Variants in KLHL8 observed in about 807,000 individuals in gnomAD.
KLHL8 encodes the protein kelch like family member 8, also known as kelch-like protein 8.
Under a neutral mutation model 63.5 loss-of-function variants are expected in KLHL8, and 38 were observed. That is an observed-to-expected ratio of 0.60 (90% CI 0.46 to 0.78). KLHL8 has a LOEUF of 0.78. Among genes scored for constraint, KLHL8 ranks in the 30% least tolerant of loss-of-function variants. The pLI, the probability that KLHL8 is intolerant of heterozygous loss-of-function variation, is 0.00. For synonymous variants in KLHL8, 224 were observed against 254.3 expected, an observed-to-expected ratio of 0.88 and a Z score of 1.13; for missense variants, 566 against 752.4, an observed-to-expected ratio of 0.75 and a Z score of 2.90.
In KLHL8 at chr4:87,190,644, T is replaced by TA. The variant is rs34153862; in HGVS notation, c.216+4679dup. 3.2e-3 allele frequency among the ~76,000 whole-genome samples: 455 copies of TA among 143,004 alleles called. 1 individual carries two copies. The highest frequency in any genetic ancestry group is 5.3e-3 in the Non-Finnish European group (347 of 65,490). 93.8% of individuals were successfully genotyped at this position (143,004 alleles called of 152,430 possible). On this transcript the variant is annotated intron_variant, in intron 2 of 9. Transcript: ENST00000273963. ...GGGTGACAGAGTGAGACTCTGTCTT[T>TA]AAAAAAAAAAAAAAAAGCTTACTGT...
intron 2 of KLHL8, among the ~76,000 whole-genome samples, chr4:87,190,644 T>A (rs1578379560): frequency 7.0e-6 from 1 of 143,018 alleles, no homozygotes. Context: ...ACTCTGTCTT[T>A]AAAAAAAAAA....
intron 1 of KLHL8, among the ~76,000 whole-genome samples, chr4:87,214,419 T>G (rs1166560371): frequency 5.3e-4 from 12 of 22,708 alleles, no homozygotes; most frequent in Middle Eastern, 0.028. Context: ...ATAACAGATA[T>G]ATATATATAT....
At chr4:87,231,128 G>A (rs1261938762) in intron 1 of KLHL8, among the ~76,000 whole-genome samples, 1 of 152,128 alleles carries the variant, frequency 6.6e-6, no homozygotes, top group Admixed American at 6.5e-5. Flanking sequence ...GGGAGTTGGT[G>A]TCTGAAAATC....
chr4:87,232,689 CA>C (rs1733156245), intron 1 of KLHL8, among the ~76,000 whole-genome samples: 2 of 152,290 alleles, frequency 1.3e-5, no homozygotes, highest in East Asian at 1.9e-4. Context: ...TTGGTTTTAC[CA>C]GACTTCTTAA....
intron 1 of KLHL8, among the ~76,000 whole-genome samples, chr4:87,238,084 C>T (rs1733265683): frequency 6.6e-6 from 1 of 151,978 alleles, no homozygotes; most frequent in Non-Finnish European, 1.5e-5. Flanking sequence ...GACAGGCGTG[C>T]ACAACCATGC....
At chr4:87,174,807 C>T (rs1327611119) in intron 6 of KLHL8, among the ~76,000 whole-genome samples, 2 of 152,068 alleles carry the variant, frequency 1.3e-5, no homozygotes, top group East Asian at 3.8e-4. Flanking sequence ...CCATTTGGTG[C>T]AAAATATATG....
chr4:87,195,355 T>A lies in KLHL8; in HGVS notation c.185A>T (p.Glu62Val), dbSNP rs1456299498. 37 of 1,612,706 alleles carry A rather than the reference T, an allele frequency of 2.3e-5. No individual in the cohort carries two copies. The highest frequency in any genetic ancestry group is 3.1e-5 in the Non-Finnish European group (37 of 1,179,872). ...TGTGACATCACAGAGTTCTCCATTT[T>A]CATAAAATCGAAGAAGAGAACCATG... ...DFHGSLLRFY[E>V]NGELCDVTLK... is the part of the protein sequence containing the mutation. The change falls in exon 2 of 10, where the codon GAA (glutamate) becomes GTA (valine). Residue 62 changes from glutamate to valine, a missense_variant. By Grantham distance (121) the Glu-to-Val change is moderately radical. Coordinates refer to ENST00000273963, the MANE Select transcript of KLHL8 (RefSeq NM_020803.5).
At chr4:87,239,198 AAGAGTT>A (rs1179226508) in intron 1 of KLHL8, among the ~76,000 whole-genome samples, 2 of 152,236 alleles carry the variant, frequency 1.3e-5, no homozygotes, top group Non-Finnish European at 2.9e-5. Context: ...TAGTAGATAG[AAGAGTT>A]CCTTCAAAAG....
chr4:87,191,607 T>G (rs777535105), intron 2 of KLHL8, among the ~76,000 whole-genome samples: 1 of 152,178 alleles, frequency 6.6e-6, no homozygotes, highest in Non-Finnish European at 1.5e-5. Context: ...TTTTTTCAAC[T>G]TTTACTTTAG....
intron 1 of KLHL8, among the ~76,000 whole-genome samples, chr4:87,234,806 C>T (rs980654482): frequency 6.6e-6 from 1 of 152,102 alleles, no homozygotes; most frequent in African/African-American, 2.4e-5. Flanking sequence ...TGGGTTATTG[C>T]CCCGGAAGAC....
chr4:87,181,205 T>C (rs1731038964), intron 4 of KLHL8, among the ~76,000 whole-genome samples: 1 of 151,670 alleles, frequency 6.6e-6, no homozygotes, highest in African/African-American at 2.4e-5. Flanking sequence ...GGTGGGTGGA[T>C]TACTTGAGGT....
intron 3 of KLHL8, 32 bp from the exon 4 acceptor site, chr4:87,183,421 T>C: frequency 6.9e-7 from 1 of 1,455,328 alleles, no homozygotes; most frequent in Non-Finnish European, 9.2e-7. Flanking sequence ...ATACAACAAA[T>C]TTTATATTTT....
chr4:87,203,846 G>A (rs1342581194), intron 1 of KLHL8, among the ~76,000 whole-genome samples: 1 of 151,734 alleles, frequency 6.6e-6, no homozygotes, highest in East Asian at 1.9e-4. Context: ...CACCATAAGA[G>A]AATAAAAAGA....
intron 1 of KLHL8, among the ~76,000 whole-genome samples, chr4:87,226,443 G>A (rs576355069): frequency 1.1e-4 from 16 of 149,740 alleles, no homozygotes; most frequent in South Asian, 4.2e-4. Context: ...CACGCCTGTA[G>A]TCCCAGCTAC....
At chr4:87,198,826 C>T (rs548793166) in intron 1 of KLHL8, among the ~76,000 whole-genome samples, 6 of 152,194 alleles carry the variant, frequency 3.9e-5, no homozygotes, top group Admixed American at 6.5e-5. Flanking sequence ...AATATTTGCA[C>T]ACCCATGTTC....
At chr4:87,192,670 A>G (rs1340902468) in intron 2 of KLHL8, among the ~76,000 whole-genome samples, 1 of 152,148 alleles carries the variant, frequency 6.6e-6, no homozygotes. Flanking sequence ...ATTCTGAGAA[A>G]TGTGTCAGGT....
Position 87,185,815 on chromosome 4 carries a change from C to T in KLHL8, c.217-16G>A, listed in dbSNP as rs1025879303. ...TTGAGCCAACCTGTTCAAAAGAAAC[C>T]AAGAAAGATTCTGTTTAATATCAAA... On this transcript the variant is annotated splice_polypyrimidine_tract_variant and intron_variant, in intron 2 of 9. Coordinates refer to ENST00000273963, the MANE Select transcript of KLHL8 (RefSeq NM_020803.5). 1.3e-6 allele frequency: 2 copies of T among 1,549,898 alleles called. No homozygotes were observed. Among genetic ancestry groups the T allele is most frequent in the African/African-American group, 2.8e-5 (2 of 72,204 alleles).
upstream of KLHL8, among the ~76,000 whole-genome samples, chr4:87,224,663 C>G (rs925415604): frequency 2.6e-5 from 4 of 152,158 alleles, no homozygotes; most frequent in Non-Finnish European, 5.9e-5. Flanking sequence ...CACCCTCCTA[C>G]AAAACCAGCC....
Position 87,160,158 on chromosome 4 carries a change from A to G in KLHL8, c.*3361T>C, listed in dbSNP as rs1333750324. The G allele has an allele frequency of 2.0e-5, 3 of 152,142 alleles. No individual in the cohort carries two copies. In the South Asian group the frequency reaches 6.2e-4, roughly 31 times the overall value. 9.4% of individuals were successfully genotyped at this position (152,142 alleles called of 1,614,324 possible). A position where few individuals can be genotyped will look rare whatever the true frequency, so the allele number is the denominator to read the frequency against. ...TAATTAAATAAATAGCACTGATGTG[A>G]CCCCAACTTTTTGATATCCATAGTT... On this transcript the variant is annotated 3_prime_UTR_variant, in exon 10 of 10. Transcript: ENST00000273963.
Sources: gnomAD v4.1 joint callset for allele counts (sites outside exome capture counted in the v4.1 genomes callset) on GRCh38, gnomAD v4.1.1 for gene constraint, MANE v1.5 for transcripts, NCBI Gene and HGNC (gene_info 2026-07-23, HGNC 2026-07-21) for gene names.